PLXNA2: variants seen among roughly 807,000 people sequenced by gnomAD.
PLXNA2 encodes the protein plexin-A2.
PLXNA2 carries 91 observed loss-of-function variants against 193.5 expected under a neutral mutation model. That is an observed-to-expected ratio of 0.47 (90% CI 0.40 to 0.56). The LOEUF (loss-of-function observed/expected upper bound fraction) is 0.56. PLXNA2 is among the 20% of genes least tolerant of loss of function. The probability of loss-of-function intolerance (pLI) is 0.00; values close to 1 mark genes in which losing one functional copy is unlikely to be tolerated. For synonymous variants in PLXNA2, 997 were observed against 1,027.3 expected, an observed-to-expected ratio of 0.97 and a Z score of 0.56; for missense variants, 1,995 against 2,503.2, an observed-to-expected ratio of 0.80 and a Z score of 4.33.
Position 208,079,328 on chromosome 1 carries a change from T to G in PLXNA2, c.2518A>C (p.Ser840Arg). 1 of 1,613,924 alleles carries G rather than the reference T, an allele frequency of 6.2e-7. No homozygotes were observed. Among genetic ancestry groups the G allele is most frequent in the Non-Finnish European group, 8.5e-7 (1 of 1,179,806 alleles). Reference protein sequence around the residue: ...RRCTLHQHCTSPSSPWLDWSS... With the variant: ...RRCTLHQHCTRPSSPWLDWSS... ...CAGTCGAGCCAGGGGCTGGAAGGGC[T>G]GGTACAGTGCTGGTGGAGGGTGCAC... Residue 840 changes from serine to arginine, a missense_variant, in exon 12 of 32, where the codon AGC becomes CGC. Coordinates refer to ENST00000367033, the MANE Select transcript of PLXNA2 (RefSeq NM_025179.4).
intron 1 of PLXNA2, among the ~76,000 whole-genome samples, chr1:208,241,331 T>C (rs907070832): frequency 2.6e-5 from 4 of 152,198 alleles, no homozygotes; most frequent in Non-Finnish European, 4.4e-5. Flanking sequence ...GCAGGGTGAA[T>C]GTTCCCTGGT....
At chr1:208,118,371 C>G (rs1433279530) in intron 4 of PLXNA2, among the ~76,000 whole-genome samples, 1 of 152,206 alleles carries the variant, frequency 6.6e-6, no homozygotes, top group African/African-American at 2.4e-5. Context: ...AACAGCCACA[C>G]AGGGAAGCCC....
chr1:208,105,335 G>T (rs1667235608), intron 4 of PLXNA2, among the ~76,000 whole-genome samples: 1 of 152,242 alleles, frequency 6.6e-6, no homozygotes, highest in African/African-American at 2.4e-5. Context: ...CAACCGCCTG[G>T]CTTTCCAAAG....
At chr1:208,189,949 C>T (rs1268908315) in intron 3 of PLXNA2, among the ~76,000 whole-genome samples, 1 of 152,146 alleles carries the variant, frequency 6.6e-6, no homozygotes, top group African/African-American at 2.4e-5. Flanking sequence ...TATCTCCACC[C>T]TCTTCCCAGC....
chr1:208,093,659 G>A (rs1666783072), intron 8 of PLXNA2, among the ~76,000 whole-genome samples: 1 of 152,182 alleles, frequency 6.6e-6, no homozygotes, highest in Non-Finnish European at 1.5e-5. Context: ...GCTTGGGGGA[G>A]CTAATAGTAT....
At chr1:208,063,712 A>G (rs775732675) in intron 12 of PLXNA2, among the ~76,000 whole-genome samples, 10 of 152,174 alleles carry the variant, frequency 6.6e-5, no homozygotes, top group Admixed American at 2.0e-4. Context: ...CTAAGCAACT[A>G]TCATGCTCTG....
rs754654582 is a variant in PLXNA2, at chr1:208,217,013, C to T, written c.910G>A (p.Gly304Arg). The T allele has an allele frequency of 3.7e-5, 59 of 1,611,658 alleles. 1 individual carries two copies. In the Middle Eastern group the frequency reaches 5.0e-4, roughly 14 times the overall value. ...GCCTGCAGGAGGCGGTATTCCACCC[C>T]GGCCCGGGTGCAGCCGAAGGGCAGG... ...VSLPFGCTRA[G>R]VEYRLLQAAY... is the part of the protein sequence containing the mutation. Residue 304 changes from glycine (G) to arginine (R), a missense_variant, in exon 2 of 32, where the codon GGG (glycine) becomes AGG (arginine). Coordinates refer to ENST00000367033, the MANE Select transcript of PLXNA2 (RefSeq NM_025179.4). The surrounding 1 kb of genome is among the most constrained non-coding windows in gnomAD (Gnocchi z 4.7).
rs41283124 is a variant in PLXNA2 at position 208,082,395 on chromosome 1, C to T, written c.2395+17G>A. On this transcript the variant is annotated intron_variant, in intron 11 of 31. Transcript: ENST00000367033. The surrounding 1 kb of genome is among the most constrained non-coding windows in gnomAD (Gnocchi z 4.2). ...GTCGTGAAAAGATCAAACTTCTACCCGGAAGTAGCCGCTTACCTTTCAGGT... is the reference window on the plus strand; with the variant it reads ...GTCGTGAAAAGATCAAACTTCTACCTGGAAGTAGCCGCTTACCTTTCAGGT... 2.8e-3 allele frequency: 4,442 copies of T among 1,606,800 alleles called. 20 individuals carry two copies. Among genetic ancestry groups the T allele is most frequent in the Non-Finnish European group, 2.8e-3 (3,342 of 1,173,928 alleles).
At chr1:208,041,378 T>C (rs1242807012) in intron 22 of PLXNA2, among the ~76,000 whole-genome samples, 1 of 152,180 alleles carries the variant, frequency 6.6e-6, no homozygotes, top group African/African-American at 2.4e-5. Context: ...GCTCAGGGGA[T>C]ACTGAGGTCT....
chr1:208,038,592 A>G lies in PLXNA2; in HGVS notation c.4661-118T>C. 1 of 873,276 alleles carries G rather than the reference A, an allele frequency of 1.1e-6. No individual in the cohort carries two copies. Among genetic ancestry groups the G allele is most frequent in the Non-Finnish European group, 1.9e-6 (1 of 533,432 alleles). The allele number at this position is 873,276 out of a possible 1,614,324, so 54.1% of individuals were successfully genotyped here. On this transcript the variant is annotated intron_variant, in intron 25 of 31. Transcript: ENST00000367033. This position sits in a 1 kb window ranked among gnomAD's most constrained non-coding sequence, Gnocchi z 4.1. The stretch of plus-strand genomic sequence containing the variant: ...ACCCGGCCCCCTCAAGCTGGTACCA[A>G]TAACAGAGGCTAGAGACATCTAGGG...
rs1286324029 is a variant in PLXNA2 at position 208,208,920 on chromosome 1, C to T, written c.1371+1360G>A. 5.3e-5 allele frequency among the ~76,000 whole-genome samples: 8 copies of T among 152,164 alleles called. No individual in the cohort carries two copies. The East Asian group carries it at 1.2e-3, about 22-fold the overall frequency. On this transcript the variant is annotated intron_variant, in intron 3 of 31. Coordinates refer to ENST00000367033, the MANE Select transcript of PLXNA2 (RefSeq NM_025179.4). ...CCTGGCTGAGCAGGGAAGTAGCCGG[C>T]CTCAGGGTTCCAAGCTGAATTGCTT...
At chr1:208,212,496 G>A (rs1010224175) in intron 2 of PLXNA2, among the ~76,000 whole-genome samples, 18 of 152,232 alleles carry the variant, frequency 1.2e-4, no homozygotes, top group African/African-American at 4.3e-4. Context: ...CCACAGAGCA[G>A]AAGGAATGAG....
intron 3 of PLXNA2, among the ~76,000 whole-genome samples, chr1:208,146,902 G>A (rs1265213222): frequency 2.0e-5 from 3 of 152,174 alleles, no homozygotes; most frequent in African/African-American, 4.8e-5. Flanking sequence ...GCTTGACCTC[G>A]GTGGAAATGC....
In PLXNA2 at chr1:208,057,699, C is replaced by A. The variant is rs17011796; in HGVS notation, c.2738+2987G>T. ...TCCCTATGTATTGTTAGGAGACAAT[C>A]GCTGGAGATGCCTAGATTCTCTCCT... On this transcript the variant is annotated intron_variant, in intron 13 of 31. Coordinates refer to ENST00000367033, the MANE Select transcript of PLXNA2 (RefSeq NM_025179.4). Among the ~76,000 whole-genome samples the A allele has an allele frequency of 9.1e-3, 1,391 of 152,262 alleles. 12 individuals carry two copies. The highest frequency in any genetic ancestry group is 0.034 in the Middle Eastern group (10 of 294).
chr1:208,084,691 AC>A, intron 9 of PLXNA2, 111 bp from the exon 10 acceptor site: 1 of 975,112 alleles, frequency 1.0e-6, no homozygotes, highest in Non-Finnish European at 1.5e-6. Context: ...GCAGGATATT[AC>A]CTCATGTAAG....
At chr1:208,055,670 C>G (rs1665407392) in intron 13 of PLXNA2, among the ~76,000 whole-genome samples, 2 of 152,116 alleles carry the variant, frequency 1.3e-5, no homozygotes, top group African/African-American at 2.4e-5. Flanking sequence ...TGGGGAAGAT[C>G]CGTGTTTAAC....
At chr1:208,189,615 C>A (rs1056538695) in intron 3 of PLXNA2, among the ~76,000 whole-genome samples, 2 of 152,134 alleles carry the variant, frequency 1.3e-5, no homozygotes, top group Non-Finnish European at 2.9e-5. Flanking sequence ...AAGATGAACA[C>A]AACTGACCTC....
chr1:208,068,783 G>A (rs1485040920), intron 12 of PLXNA2, among the ~76,000 whole-genome samples: 1 of 152,192 alleles, frequency 6.6e-6, no homozygotes, highest in African/African-American at 2.4e-5. Context: ...CCTCCCTGGG[G>A]TTCTTTCCCC....
intron 3 of PLXNA2, among the ~76,000 whole-genome samples, chr1:208,208,257 C>G (rs1481393490): frequency 6.6e-6 from 1 of 152,202 alleles, no homozygotes; most frequent in Non-Finnish European, 1.5e-5. Flanking sequence ...CCTAGCTGAC[C>G]TCTGTAGCAA....
Sources: gnomAD v4.1 joint callset for allele counts (sites outside exome capture counted in the v4.1 genomes callset) on GRCh38, gnomAD v4.1.1 for gene constraint, Gnocchi (gnomAD v3.1) non-coding constraint, MANE v1.5 for transcripts, NCBI Gene and HGNC (gene_info 2026-07-23, HGNC 2026-07-21) for gene names.